CSTPP1: variants seen among roughly 807,000 people sequenced by gnomAD.
The protein encoded by CSTPP1 is centriolar satellite-associated tubulin polyglutamylase complex regulator 1.
At chr11:47,149,736 T>C in the CSTPP1 span, among the ~76,000 whole-genome samples, 1 of 152,120 alleles carries the variant, frequency 6.6e-6, no homozygotes, top group African/African-American at 2.4e-5. Context: ...TTTCAGTAAG[T>C]CTTCTGCAGC....
the CSTPP1 span, among the ~76,000 whole-genome samples, chr11:47,009,606 G>A: frequency 2.0e-4 from 31 of 152,234 alleles, no homozygotes; most frequent in East Asian, 4.1e-3. Flanking sequence ...AGACCAGTCC[G>A]GCCAACATGG....
At chr11:47,107,075 G>A in the CSTPP1 span, among the ~76,000 whole-genome samples, 2 of 152,202 alleles carry the variant, frequency 1.3e-5, no homozygotes, top group African/African-American at 4.8e-5. Flanking sequence ...ATTGCATGCA[G>A]GGGAAGGAGG....
chr11:46,980,496 A>C, the CSTPP1 span, among the ~76,000 whole-genome samples: 2 of 152,212 alleles, frequency 1.3e-5, no homozygotes, highest in African/African-American at 4.8e-5. Context: ...TGTTTGATAC[A>C]TGTCATACTG....
chr11:47,018,245 C>A, the CSTPP1 span, among the ~76,000 whole-genome samples: 1 of 151,014 alleles, frequency 6.6e-6, no homozygotes, highest in Admixed American at 6.6e-5. Context: ...GAATTGTGTA[C>A]CCAAGAATAA....
At chr11:46,955,243 C>A in the CSTPP1 span, among the ~76,000 whole-genome samples, 2 of 152,134 alleles carry the variant, frequency 1.3e-5, no homozygotes, top group Admixed American at 6.5e-5. Context: ...TTCTTGGCCT[C>A]CTGACCCCAC....
At chr11:47,097,549 T>C in the CSTPP1 span, among the ~76,000 whole-genome samples, 3 of 37,408 alleles carry the variant, frequency 8.0e-5, no homozygotes, top group African/African-American at 2.2e-4. Flanking sequence ...GGAGCCCCTC[T>C]GCCCGGCCAG....
At chr11:47,011,065 A>G in the CSTPP1 span, among the ~76,000 whole-genome samples, 1 of 152,208 alleles carries the variant, frequency 6.6e-6, no homozygotes, top group Admixed American at 6.5e-5. Flanking sequence ...GATAAAGGAA[A>G]GCTGAACATA....
the CSTPP1 span, among the ~76,000 whole-genome samples, chr11:47,076,188 G>T: frequency 1.3e-5 from 2 of 152,120 alleles, no homozygotes; most frequent in Non-Finnish European, 2.9e-5. Flanking sequence ...AAAAAAGATT[G>T]TCAATGTCTA....
the CSTPP1 span, chr11:47,156,928 TG>T: frequency 7.5e-7 from 1 of 1,331,122 alleles, no homozygotes; most frequent in Non-Finnish European, 1.0e-6. Flanking sequence ...GGTGTGGAAC[TG>T]GGCTGACAGA....
At chr11:46,998,919 T>A in the CSTPP1 span, among the ~76,000 whole-genome samples, 10 of 152,050 alleles carry the variant, frequency 6.6e-5, no homozygotes, top group Admixed American at 1.3e-4. Flanking sequence ...TTTTTGTATT[T>A]TTAGTAGAGA....
the CSTPP1 span, among the ~76,000 whole-genome samples, chr11:47,124,282 C>T: frequency 2.6e-5 from 4 of 151,572 alleles, no homozygotes; most frequent in African/African-American, 9.7e-5. Flanking sequence ...TGCCACCACG[C>T]CTGGCTAGTT....
the CSTPP1 span, among the ~76,000 whole-genome samples, chr11:47,101,629 T>C: frequency 6.6e-6 from 1 of 152,038 alleles, no homozygotes; most frequent in Non-Finnish European, 1.5e-5. Context: ...ATACCTCCTA[T>C]ACAGCATTCT....
chr11:47,145,934 A>C, the CSTPP1 span, among the ~76,000 whole-genome samples: 1 of 142,552 alleles, frequency 7.0e-6, no homozygotes, highest in Admixed American at 6.8e-5. Flanking sequence ...TTTTATTTTA[A>C]GATGGGGTCT....
At chr11:47,007,361 A>T in the CSTPP1 span, among the ~76,000 whole-genome samples, 1 of 151,942 alleles carries the variant, frequency 6.6e-6, no homozygotes, top group African/African-American at 2.4e-5. Context: ...TTTATTCTGG[A>T]TATTTTCTTC....
At chr11:47,047,531 C>T in the CSTPP1 span, among the ~76,000 whole-genome samples, 1 of 152,070 alleles carries the variant, frequency 6.6e-6, no homozygotes, top group Non-Finnish European at 1.5e-5. Context: ...TGGATATCCA[C>T]GTGTGAAAGA....
the CSTPP1 span, among the ~76,000 whole-genome samples, chr11:47,020,039 G>A: frequency 2.6e-5 from 4 of 152,132 alleles, no homozygotes; most frequent in African/African-American, 9.7e-5. Flanking sequence ...AAGCAAAGTT[G>A]TTCAGCTGTT....
At chr11:47,157,338 A>G in the CSTPP1 span, 3 of 1,147,408 alleles carry the variant, frequency 2.6e-6, no homozygotes. Flanking sequence ...CTTGCTGGTC[A>G]TAATGTAACA....
chr11:47,039,913 C>T, the CSTPP1 span, among the ~76,000 whole-genome samples: 1 of 128,954 alleles, frequency 7.8e-6, no homozygotes, highest in African/African-American at 2.5e-5. Flanking sequence ...ACCCTGGAGG[C>T]AGTCCTTCAT....
the CSTPP1 span, among the ~76,000 whole-genome samples, chr11:47,081,999 G>A: frequency 4.0e-5 from 6 of 149,686 alleles, no homozygotes; most frequent in Non-Finnish European, 7.4e-5. Flanking sequence ...TGGTGCAAAG[G>A]TAATTGCGGC....
Sources: gnomAD v4.1 joint callset for allele counts (sites outside exome capture counted in the v4.1 genomes callset) on GRCh38, gnomAD v4.1.1 for gene constraint, MANE v1.5 for transcripts, NCBI Gene and HGNC (gene_info 2026-07-23, HGNC 2026-07-21) for gene names.